FAM184B: variants seen among roughly 807,000 people sequenced by gnomAD.
The protein encoded by FAM184B is family with sequence similarity 184 member B.
A neutral mutation model predicts 135.9 loss-of-function variants in FAM184B; 111 were observed. That is an observed-to-expected ratio of 0.82 (90% CI 0.70 to 0.96). The LOEUF (loss-of-function observed/expected upper bound fraction) is 0.96, where lower values mean the gene tolerates loss of function less well. FAM184B is among the 40% of genes least tolerant of loss of function. The probability of loss-of-function intolerance (pLI) is 0.00; values close to 1 mark genes in which losing one functional copy is unlikely to be tolerated. For synonymous variants in FAM184B, 552 were observed against 524.8 expected, an observed-to-expected ratio of 1.05 and a Z score of -0.71; for missense variants, 1,375 against 1,323.9, an observed-to-expected ratio of 1.04 and a Z score of -0.60.
At position 17,710,482 on chromosome 4, in the gene FAM184B, A is replaced by AAAAATATTT. The variant is rs1459232118; in HGVS notation, c.142-839_142-838insAAATATTTT. ...CAATAGACACAGAAAAAAATATTTG[A>AAAAATATTT]CAAAATTAAACATCTTTGCATGATA... is the stretch of plus-strand genomic sequence containing the variant. On this transcript the variant is annotated intron_variant, in intron 1 of 17. Transcript: ENST00000265018. 2.6e-5 allele frequency among the ~76,000 whole-genome samples: 4 copies of AAAAATATTT among 152,328 alleles called. No homozygotes were observed. The East Asian group carries it at 7.7e-4, about 29-fold the overall frequency.
rs1447615219 is a variant in FAM184B, at chr4:17,650,392, A to AC, written c.2191+2437_2191+2438insG. The stretch of plus-strand genomic sequence containing the variant: ...CTTGCACCTTCCCTTGAAGCCTATG[A>AC]TTTGTTGTCATCACAGAGTCCACAA... On this transcript the variant is annotated intron_variant, in intron 11 of 17. Coordinates refer to ENST00000265018, the MANE Select transcript of FAM184B (RefSeq NM_015688.2). Among the ~76,000 whole-genome samples, 30 of 152,234 alleles carry AC rather than the reference A, an allele frequency of 2.0e-4. No individual in the cohort carries two copies. The East Asian group carries it at 4.3e-3, about 22-fold the overall frequency.
At chr4:17,645,580 G>C (rs1238798109) in intron 12 of FAM184B, among the ~76,000 whole-genome samples, 3 of 151,926 alleles carry the variant, frequency 2.0e-5, no homozygotes. Flanking sequence ...ATTAATTCAA[G>C]ATGGATTAAA....
intron 13 of FAM184B, among the ~76,000 whole-genome samples, chr4:17,640,156 C>T (rs978479337): frequency 6.6e-6 from 1 of 151,442 alleles, no homozygotes; most frequent in African/African-American, 2.4e-5. Flanking sequence ...TATCCCTCAC[C>T]TTTATCAAAA....
chr4:17,654,544 C>A (rs1180658973), intron 10 of FAM184B, among the ~76,000 whole-genome samples: 2 of 152,340 alleles, frequency 1.3e-5, no homozygotes, highest in African/African-American at 2.4e-5. Context: ...AGGCAGGGAA[C>A]CTGCCTGCAG....
chr4:17,753,254 C>T (rs1244293866), intron 1 of FAM184B, among the ~76,000 whole-genome samples: 1 of 152,174 alleles, frequency 6.6e-6, no homozygotes, highest in Non-Finnish European at 1.5e-5. Context: ...TCGTAAGTCT[C>T]CTCAGGGCAG....
At chr4:17,693,779 T>C (rs948604652) in intron 5 of FAM184B, among the ~76,000 whole-genome samples, 2 of 152,138 alleles carry the variant, frequency 1.3e-5, no homozygotes, top group African/African-American at 4.8e-5. Flanking sequence ...GGAAAAGCAG[T>C]ACAAAATTTC....
chr4:17,652,614 G>A (rs1214710878), intron 11 of FAM184B, among the ~76,000 whole-genome samples: 6 of 151,798 alleles, frequency 4.0e-5, no homozygotes, highest in South Asian at 2.1e-4. Flanking sequence ...CTGTGAGCCC[G>A]AGACCCCTGG....
chr4:17,647,274 A>G (rs1315381609), intron 12 of FAM184B, among the ~76,000 whole-genome samples: 2 of 138,710 alleles, frequency 1.4e-5, no homozygotes, highest in East Asian at 2.1e-4. Context: ...TTTTTTTGAG[A>G]CAGGGTCTTG....
intron 1 of FAM184B, among the ~76,000 whole-genome samples, chr4:17,751,823 G>GCGCACACACA (rs764575898): frequency 6.1e-4 from 71 of 115,896 alleles, no homozygotes; most frequent in African/African-American, 1.6e-3. Flanking sequence ...TAAAAACAAG[G>GCGCACACACA]CACACACACA....
chr4:17,704,039 AG>A (rs1261271693), intron 5 of FAM184B, among the ~76,000 whole-genome samples: 1 of 152,160 alleles, frequency 6.6e-6, no homozygotes, highest in Non-Finnish European at 1.5e-5. Context: ...ATCCAAGACT[AG>A]TCTTGATCTT....
At chr4:17,694,869 G>T (rs1716816223) in intron 5 of FAM184B, among the ~76,000 whole-genome samples, 2 of 152,136 alleles carry the variant, frequency 1.3e-5, no homozygotes, top group South Asian at 4.1e-4. Context: ...TGCAGTGTTG[G>T]GGAAGGGCTG....
chr4:17,711,105 C>A (rs1034799695), intron 1 of FAM184B, among the ~76,000 whole-genome samples: 1 of 151,974 alleles, frequency 6.6e-6, no homozygotes, highest in Non-Finnish European at 1.5e-5. Context: ...GTAATCCCAG[C>A]ACTTTGGGAG....
intron 1 of FAM184B, among the ~76,000 whole-genome samples, chr4:17,730,736 G>C (rs1192337287): frequency 6.6e-6 from 1 of 152,156 alleles, no homozygotes; most frequent in Non-Finnish European, 1.5e-5. Context: ...AGCTGGATGT[G>C]GAATGACTTT....
intron 10 of FAM184B, among the ~76,000 whole-genome samples, chr4:17,653,968 G>A (rs1349027080): frequency 1.3e-5 from 2 of 151,512 alleles, no homozygotes; most frequent in African/African-American, 2.4e-5. Flanking sequence ...CTTTGATAAT[G>A]CAGGAAGGGA....
chr4:17,642,348 T>A, intron 12 of FAM184B, 120 bp from the exon 13 acceptor site: 1 of 1,373,978 alleles, frequency 7.3e-7, no homozygotes. Flanking sequence ...GGCTGGAGCC[T>A]GTGGCAGGCT....
intron 5 of FAM184B, among the ~76,000 whole-genome samples, chr4:17,703,563 C>A (rs566807745): frequency 1.2e-4 from 18 of 152,002 alleles, no homozygotes; most frequent in Non-Finnish European, 2.5e-4. Context: ...CATGTTTGCA[C>A]TAAGGGTTTA....
intron 1 of FAM184B, among the ~76,000 whole-genome samples, chr4:17,711,121 G>C (rs573958515): frequency 6.6e-6 from 1 of 152,186 alleles, no homozygotes; most frequent in South Asian, 2.1e-4. Context: ...GGGAGGCTGA[G>C]GTAGGAGGAT....
intron 5 of FAM184B, 26 bp downstream of exon 5, chr4:17,704,974 A>G: frequency 6.5e-7 from 1 of 1,540,208 alleles, no homozygotes; most frequent in Non-Finnish European, 8.8e-7. Context: ...AAGAACCAGA[A>G]CAGTCTCTAT....
chr4:17,711,125 G>A (rs1717258019), intron 1 of FAM184B, among the ~76,000 whole-genome samples: 1 of 152,066 alleles, frequency 6.6e-6, no homozygotes. Flanking sequence ...GGCTGAGGTA[G>A]GAGGATTACT....
Sources: gnomAD v4.1 joint callset for allele counts (sites outside exome capture counted in the v4.1 genomes callset) on GRCh38, gnomAD v4.1.1 for gene constraint, MANE v1.5 for transcripts, NCBI Gene and HGNC (gene_info 2026-07-23, HGNC 2026-07-21) for gene names.